CYP4F11: variants seen among roughly 807,000 people sequenced by gnomAD.
The protein encoded by CYP4F11 is cytochrome P450 4F11.
Under a neutral mutation model 62.2 loss-of-function variants are expected in CYP4F11, and 79 were observed. The ratio of observed to expected loss-of-function variants is 1.27; its 90% CI spans 1.06 to 1.53. The LOEUF is 1.53. CYP4F11 is among the 40% of genes most tolerant of loss of function. CYP4F11 has a pLI of 0.00. For synonymous variants in CYP4F11, 290 were observed against 263.7 expected (o/e 1.10, Z -0.97); for missense variants, 777 against 680.5 (o/e 1.14, Z -1.58).
At chr19:15,923,054 A>T (rs1186111150) in intron 6 of CYP4F11, among the ~76,000 whole-genome samples, 1 of 152,210 alleles carries the variant, frequency 6.6e-6, no homozygotes, top group Non-Finnish European at 1.5e-5. Context: ...TCTGTCTCAA[A>T]AAAAATGAAA....
rs1599374899 is a variant in CYP4F11, at chr19:15,922,253, A to G, written c.986-87T>C. 1.1e-5 allele frequency: 18 copies of G among 1,597,782 alleles called. No individual in the cohort carries two copies. In the East Asian group the frequency reaches 4.0e-4, roughly 36 times the overall value. On this transcript the variant is annotated intron_variant, in intron 7 of 11. Coordinates refer to ENST00000402119, the MANE Select transcript of CYP4F11 (RefSeq NM_021187.4). ...ACCCAAACTCTGAGGCCCTCAGGAG[A>G]ATGTAGGGAGGAGGAGGATGGGCAG...
At chr19:15,924,728 G>C in intron 5 of CYP4F11, 33 bp downstream of exon 5, 1 of 1,599,304 alleles carries the variant, frequency 6.3e-7, no homozygotes, top group Non-Finnish European at 8.5e-7. Flanking sequence ...TGGGTTCCAG[G>C]CCCAAGTTCT....
Position 15,934,385 on chromosome 19 carries a change from C to G in CYP4F11, c.24G>C (p.Trp8Cys), listed in dbSNP as rs765525842. The part of the protein sequence containing the change: MPQLSLS[W>C]LGLGPVAASP... ...ATGCTGCCACGGGCCCGAGGCCCAG[C>G]CAGGACAGGCTCAGCTGCGGCATCC... is the stretch of plus-strand genomic sequence containing the variant. The change falls in exon 1 of 12, where the codon TGG becomes TGC. Residue 8 changes from tryptophan (W) to cysteine (C), a missense_variant. Transcript: ENST00000402119. The G allele has an allele frequency of 1.2e-6, 2 of 1,613,300 alleles. No individual in the cohort carries two copies. Among genetic ancestry groups the G allele is most frequent in the South Asian group, 1.1e-5 (1 of 91,050 alleles).
rs2089648106 is a variant in CYP4F11, at chr19:15,923,854, C to T, written c.876G>A (p.Lys292=). The part of the protein sequence containing the change: ...GIDDFLKNKA[K]SKTLDFIDVL... ...CATCAATGAAGTCTAAAGTCTTGGA[C>T]TTTGCCTTGTTCTTGAGGAAATCAT... Residue 292 remains lysine, a synonymous_variant, in exon 6 of 12, where the codon AAG becomes AAA. Coordinates refer to ENST00000402119, the MANE Select transcript of CYP4F11 (RefSeq NM_021187.4). 8 of 1,614,226 alleles carry T rather than the reference C, an allele frequency of 5.0e-6. No individual in the cohort carries two copies. In the East Asian group the frequency reaches 1.8e-4, roughly 36 times the overall value.
intron 8 of CYP4F11, among the ~76,000 whole-genome samples, chr19:15,920,182 A>G (rs1028264354): frequency 6.6e-6 from 1 of 152,208 alleles, no homozygotes; most frequent in Non-Finnish European, 1.5e-5. Flanking sequence ...CCCCATAAAT[A>G]TATATAATCA....
rs1404974051 is a variant in CYP4F11, at chr19:15,912,759, G to GTATATATA, written c.*972_*973insTATATATA. ...TATATGTATATATGTGTGTGTGTGT[G>GTATATATA]TGTGTGTGTGTGTATATATATATAT... On this transcript the variant is annotated 3_prime_UTR_variant, in exon 12 of 12. Transcript: ENST00000402119. 0.035 allele frequency: 1,569 copies of GTATATATA among 44,794 alleles called. 160 individuals are homozygous for GTATATATA. The highest frequency in any genetic ancestry group is 0.14 in the African/African-American group (1,474 of 10,180). 2.8% of individuals were successfully genotyped at this position (44,794 alleles called of 1,614,324 possible). A position where few individuals can be genotyped will look rare whatever the true frequency, so the allele number is the denominator to read the frequency against.
chr19:15,922,242 G>A, intron 7 of CYP4F11, 76 bp from the exon 8 acceptor site: 1 of 1,595,042 alleles, frequency 6.3e-7, no homozygotes, highest in Non-Finnish European at 8.6e-7. Context: ...AAACTCTGAG[G>A]CCCTCAGGAG....
At chr19:15,917,633 C>T (rs1304080412) in intron 8 of CYP4F11, among the ~76,000 whole-genome samples, 2 of 152,004 alleles carry the variant, frequency 1.3e-5, no homozygotes, top group Non-Finnish European at 2.9e-5. Flanking sequence ...ACAAAATTGG[C>T]TTCATATAAA....
At chr19:15,934,142 G>A in intron 1 of CYP4F11, 69 bp downstream of exon 1, 1 of 1,543,526 alleles carries the variant, frequency 6.5e-7, no homozygotes, top group Non-Finnish European at 8.8e-7. Context: ...AGCTCCCTGA[G>A]CCCCATTCCT....
In CYP4F11 at chr19:15,912,697, ATGTGTGTGTGTGTGTGTGTG is replaced by A; in HGVS notation, c.*1015_*1034del. ...AAAAAAAAAATATATATATATATATATGTGTGTGTGTGTGTGTGTGTGTGTGTGTGTGTGTGTATATGTAT... is the reference window on the plus strand; with the variant it reads ...AAAAAAAAAATATATATATATATATATGTGTGTGTGTGTGTGTATATGTAT... On this transcript the variant is annotated 3_prime_UTR_variant, in exon 12 of 12. Transcript: ENST00000402119. The A allele has an allele frequency of 1.4e-5, 1 of 72,698 alleles. No individual in the cohort carries two copies. The highest frequency in any genetic ancestry group is 4.8e-4 in the East Asian group (1 of 2,104). 4.5% of individuals were successfully genotyped at this position (72,698 alleles called of 1,614,324 possible).
At position 15,913,245 on chromosome 19, in the gene CYP4F11, G is replaced by T. The variant is rs899993107; in HGVS notation, c.*487C>A. On this transcript the variant is annotated 3_prime_UTR_variant, in exon 12 of 12. Transcript: ENST00000402119. The stretch of plus-strand genomic sequence containing the variant: ...ACTGGGAGGGGGAGAAACAGGGGTG[G>T]GAAGTTGGTGGAAAAAGGAACTAAA... 4.3e-5 allele frequency: 7 copies of T among 163,750 alleles called. No individual in the cohort carries two copies. Among genetic ancestry groups the T allele is most frequent in the Non-Finnish European group, 6.8e-5 (5 of 73,886 alleles). The allele number at this position is 163,750 out of a possible 1,614,324, so 10.1% of individuals were successfully genotyped here. A position where few individuals can be genotyped will look rare whatever the true frequency, so the allele number is the denominator to read the frequency against.
chr19:15,922,285 G>A, intron 7 of CYP4F11, 79 bp downstream of exon 7: 3 of 1,606,248 alleles, frequency 1.9e-6, no homozygotes, highest in Non-Finnish European at 1.7e-6. Context: ...GCAGAATTAA[G>A]TGATCCAGGG....
chr19:15,919,417 T>A (rs1048726810), intron 8 of CYP4F11, among the ~76,000 whole-genome samples: 1 of 138,870 alleles, frequency 7.2e-6, no homozygotes, highest in Non-Finnish European at 1.5e-5. Flanking sequence ...GATGGACGGA[T>A]GGATGGATGG....
intron 11 of CYP4F11, 140 bp from the exon 12 acceptor site, chr19:15,914,049 C>T: frequency 2.1e-5 from 24 of 1,168,506 alleles, no homozygotes; most frequent in Non-Finnish European, 2.7e-5. Flanking sequence ...CCACAGGACT[C>T]CCATGTGTGC....
intron 8 of CYP4F11, among the ~76,000 whole-genome samples, chr19:15,915,833 A>C (rs971949500): frequency 6.6e-6 from 1 of 151,664 alleles, no homozygotes; most frequent in Non-Finnish European, 1.5e-5. Flanking sequence ...GTCCTATTAT[A>C]AGACATGGCA....
At chr19:15,921,382 C>T (rs553590382) in intron 8 of CYP4F11, among the ~76,000 whole-genome samples, 1 of 152,298 alleles carries the variant, frequency 6.6e-6, no homozygotes, top group Non-Finnish European at 1.5e-5. Flanking sequence ...GAGACACTTT[C>T]TGTACCTCCA....
chr19:15,916,732 A>G (rs2089586057), intron 8 of CYP4F11, among the ~76,000 whole-genome samples: 1 of 151,092 alleles, frequency 6.6e-6, no homozygotes, highest in African/African-American at 2.4e-5. Context: ...GATACCCCCT[A>G]CTTCTGCAAG....
chr19:15,925,856 T>C (rs911218335), intron 4 of CYP4F11, among the ~76,000 whole-genome samples: 3 of 151,412 alleles, frequency 2.0e-5, no homozygotes. Flanking sequence ...TCAGGCTTGC[T>C]TCTGCTTGCT....
At chr19:15,918,142 T>C (rs1438573605) in intron 8 of CYP4F11, among the ~76,000 whole-genome samples, 1 of 152,094 alleles carries the variant, frequency 6.6e-6, no homozygotes, top group East Asian at 1.9e-4. Flanking sequence ...TGCAGGAACA[T>C]GGATGGAGCT....
Sources: allele counts gnomAD v4.1 joint callset (sites outside exome capture counted in the v4.1 genomes callset), GRCh38; gene constraint gnomAD v4.1.1; transcripts MANE v1.5; gene names NCBI Gene and HGNC (gene_info 2026-07-23, HGNC 2026-07-21).